Variants in COA6 observed in about 807,000 individuals in gnomAD.
The protein encoded by COA6 is cytochrome c oxidase assembly factor 6.
A neutral mutation model predicts 17.1 loss-of-function variants in COA6; 12 were observed. The observed-to-expected ratio is 0.70, with a 90% confidence interval of 0.45 to 1.14. COA6 has a LOEUF of 1.14. Ranked by LOEUF, COA6 falls within the 50% of genes most tolerant of loss-of-function variation. The pLI is 0.00. For missense variants in COA6, 246 were observed against 196.5 expected (o/e 1.25, Z -1.51); for synonymous variants, 90 against 73.4 (o/e 1.23, Z -1.16).
Position 234,373,657 on chromosome 1 carries a change from C to A in COA6, c.191C>A (p.Ala64Asp), listed in dbSNP as rs117011051. The A allele has an allele frequency of 6.2e-7, 1 of 1,612,792 alleles. No individual in the cohort carries two copies. The highest frequency in any genetic ancestry group is 1.3e-5 in the African/African-American group (1 of 74,928). Residue 64 changes from alanine (A) to aspartate (D), a missense_variant, in exon 1 of 3, where the codon GCC becomes GAC. By Grantham distance (126) the Ala-to-Asp change is moderately radical (BLOSUM62 -2). Transcript: ENST00000366615. Reference protein sequence around the residue: ...TVSSRRHRKEAGRGRAESFIA... With the variant: ...TVSSRRHRKEDGRGRAESFIA... ...TCCTCCCGTCGACATCGAAAGGAAG[C>A]CGGACGTGGGCGGGCAGAGAGGTCG...
chr1:234,383,036 AAGGG>A (rs770161579), intron 2 of COA6, among the ~76,000 whole-genome samples: 3,625 of 49,198 alleles, frequency 0.074, 124 homozygotes, highest in South Asian at 0.1. Context: ...AGAGAGAAGG[AAGGG>A]AGGGAGGGAG....
chr1:234,376,599 C>T (rs1366721819), intron 2 of COA6, among the ~76,000 whole-genome samples: 1 of 152,224 alleles, frequency 6.6e-6, no homozygotes, highest in East Asian at 1.9e-4. Flanking sequence ...ACCCCACATA[C>T]TTCTTCCTAT....
In COA6 at chr1:234,384,989, T is replaced by A. The variant is rs1191862771; in HGVS notation, c.*1171T>A. 6.6e-6 allele frequency among the ~76,000 whole-genome samples: 1 copy of A among 152,214 alleles called. No homozygotes were observed. The highest frequency in any genetic ancestry group is 2.4e-5 in the African/African-American group (1 of 41,444). On this transcript the variant is annotated 3_prime_UTR_variant, in exon 3 of 3. Coordinates refer to ENST00000366615, the MANE Select transcript of COA6 (RefSeq NM_001206641.3). ...TATGTTTATACTGTTGTCTAGTAAG[T>A]GTGCAATAGCATTATGTCTGCTCAG...
At chr1:234,383,131 C>T (rs894812021) in intron 2 of COA6, among the ~76,000 whole-genome samples, 31 of 151,392 alleles carry the variant, frequency 2.0e-4, no homozygotes, top group Non-Finnish European at 3.5e-4. Flanking sequence ...CATTTGAAGC[C>T]TTCTGACCTA....
At chr1:234,374,891 G>A (rs2103015634) in intron 2 of COA6, among the ~76,000 whole-genome samples, 1 of 152,328 alleles carries the variant, frequency 6.6e-6, no homozygotes, top group East Asian at 1.9e-4. Context: ...TGTATCCCCT[G>A]TCCTTAGTAT....
chr1:234,384,361 A>G lies in COA6; in HGVS notation c.*543A>G, dbSNP rs1012040545. Among the ~76,000 whole-genome samples, 1 of 152,184 alleles carries G rather than the reference A, an allele frequency of 6.6e-6. No homozygotes were observed. The highest frequency in any genetic ancestry group is 1.9e-4 in the East Asian group (1 of 5,206). ...GTGAGACAAAAAAGAAAAAGCATAC[A>G]CACTGGGAAGGAAGAAAGAAAACTA... is the stretch of plus-strand genomic sequence containing the variant. On this transcript the variant is annotated 3_prime_UTR_variant, in exon 3 of 3. Transcript: ENST00000366615.
intron 2 of COA6, among the ~76,000 whole-genome samples, chr1:234,383,433 T>G (rs1393569961): frequency 6.6e-6 from 1 of 151,636 alleles, no homozygotes; most frequent in Non-Finnish European, 1.5e-5. Context: ...ATACCTAATG[T>G]TAAATGGCGA....
chr1:234,374,457 G>A, intron 2 of COA6, 68 bp downstream of exon 2: 1 of 1,524,638 alleles, frequency 6.6e-7, no homozygotes, highest in Non-Finnish European at 9.0e-7. Flanking sequence ...TGAGTGGTAG[G>A]CTGACATGAA....
chr1:234,378,887 AAAACAAAAC>A (rs1276630597), intron 2 of COA6, among the ~76,000 whole-genome samples: 1 of 152,092 alleles, frequency 6.6e-6, no homozygotes, highest in African/African-American at 2.4e-5. Context: ...CTTTTTGAAA[AAAACAAAAC>A]AAACAAAAAA....
At chr1:234,382,499 C>T (rs1483321654) in intron 2 of COA6, among the ~76,000 whole-genome samples, 1 of 152,182 alleles carries the variant, frequency 6.6e-6, no homozygotes, top group Non-Finnish European at 1.5e-5. Context: ...TGTCGTACAC[C>T]CTCGGGAGAC....
Position 234,374,405 on chromosome 1 carries a change from A to G in COA6, c.372+16A>G, listed in dbSNP as rs1558123894. ...CCAACAGTGGGTAAGTCACACTTTG[A>G]TGTGTTTCTCTTCCCTGTTAAGATA... On this transcript the variant is annotated intron_variant, in intron 2 of 2. Transcript: ENST00000366615. The G allele has an allele frequency of 6.2e-7, 1 of 1,613,412 alleles. No homozygotes were observed. Among genetic ancestry groups the G allele is most frequent in the Non-Finnish European group, 8.5e-7 (1 of 1,179,654 alleles).
rs960581970 is a variant in COA6 at position 234,384,423 on chromosome 1, T to G, written c.*605T>G. Among the ~76,000 whole-genome samples, 1 of 152,168 alleles carries G rather than the reference T, an allele frequency of 6.6e-6. No individual in the cohort carries two copies. Among genetic ancestry groups the G allele is most frequent in the Non-Finnish European group, 1.5e-5 (1 of 68,028 alleles). On this transcript the variant is annotated 3_prime_UTR_variant, in exon 3 of 3. Transcript: ENST00000366615. ...ATATAATAAATACTATCTTATAGAA[T>G]GTACCAATGGATGCACAAAAAGAGC...
intron 2 of COA6, among the ~76,000 whole-genome samples, chr1:234,375,133 CAA>C (rs11341337): frequency 0.034 from 4,305 of 128,428 alleles, 184 homozygotes; most frequent in African/African-American, 0.11. Context: ...ACTAAAAATA[CAA>C]AAAAAAAAAA....
At chr1:234,380,783 T>G (rs955020742) in intron 2 of COA6, among the ~76,000 whole-genome samples, 1 of 152,240 alleles carries the variant, frequency 6.6e-6, no homozygotes, top group East Asian at 1.9e-4. Context: ...GTGGATCACC[T>G]GAGGTCAGGA....
In COA6 at chr1:234,373,476, C is replaced by A; in HGVS notation, c.10C>A (p.Arg4=). 1 of 1,543,852 alleles carries A rather than the reference C, an allele frequency of 6.5e-7. No homozygotes were observed. The highest frequency in any genetic ancestry group is 8.7e-7 in the Non-Finnish European group (1 of 1,144,938). Residue 4 remains arginine, a synonymous_variant, in exon 1 of 3, where the codon CGG becomes AGG. Coordinates refer to ENST00000366615, the MANE Select transcript of COA6 (RefSeq NM_001206641.3). The part of the protein sequence containing the change: MVA[R]KGQKSPRFRR... ...CCTCTATGGAAAGTAAATGGTAGCTCGGAAGGGTCAAAAGAGTCCGCGGTT... is the reference window on the plus strand; with the variant it reads ...CCTCTATGGAAAGTAAATGGTAGCTAGGAAGGGTCAAAAGAGTCCGCGGTT...
In COA6 at chr1:234,384,987, AGT is replaced by A. The variant is rs1659085569; in HGVS notation, c.*1173_*1174del. 6.6e-6 allele frequency among the ~76,000 whole-genome samples: 1 copy of A among 152,204 alleles called. No homozygotes were observed. Among genetic ancestry groups the A allele is most frequent in the African/African-American group, 2.4e-5 (1 of 41,438 alleles). ...GTTATGTTTATACTGTTGTCTAGTA[AGT>A]GTGCAATAGCATTATGTCTGCTCAG... On this transcript the variant is annotated 3_prime_UTR_variant, in exon 3 of 3. Transcript: ENST00000366615.
chr1:234,379,025 T>TC (rs1208457867), intron 2 of COA6, among the ~76,000 whole-genome samples: 1 of 147,674 alleles, frequency 6.8e-6, no homozygotes, highest in Non-Finnish European at 1.5e-5. Context: ...TTTTTTTTTT[T>TC]CCAGACAGTC....
chr1:234,374,470 GCTCT>G, intron 2 of COA6, 81 bp downstream of exon 2: 1 of 1,357,262 alleles, frequency 7.4e-7, no homozygotes, highest in Non-Finnish European at 1.0e-6. Context: ...GACATGAAGC[GCTCT>G]CTGAGGCATG....
chr1:234,376,350 A>G (rs1283726655), intron 2 of COA6, among the ~76,000 whole-genome samples: 1 of 152,088 alleles, frequency 6.6e-6, no homozygotes, highest in African/African-American at 2.4e-5. Flanking sequence ...TCTCTCACTC[A>G]AGCAGACTGG....
Sources: gnomAD v4.1 joint callset for allele counts (sites outside exome capture counted in the v4.1 genomes callset) on GRCh38, gnomAD v4.1.1 for gene constraint, MANE v1.5 for transcripts, NCBI Gene and HGNC (gene_info 2026-07-23, HGNC 2026-07-21) for gene names.